Variants in GALNT14 observed in about 807,000 individuals in gnomAD.
The protein encoded by GALNT14 is polypeptide N-acetylgalactosaminyltransferase 14.
Under a neutral mutation model 77.5 loss-of-function variants are expected in GALNT14, and 60 were observed. That is an observed-to-expected ratio of 0.77 (90% CI 0.63 to 0.96). The LOEUF (loss-of-function observed/expected upper bound fraction) is 0.96. Among genes scored for constraint, GALNT14 ranks in the 40% least tolerant of loss-of-function variants. The pLI is 0.00. For missense variants in GALNT14, 710 were observed against 731.0 expected (o/e 0.97, Z 0.33); for synonymous variants, 280 against 281.7 (o/e 0.99, Z 0.06).
chr2:31,014,305 G>T lies in GALNT14; in HGVS notation c.130-21298C>A, dbSNP rs146892497. On this transcript the variant is annotated intron_variant, in intron 1 of 14. Transcript: ENST00000349752. Reference sequence around the variant, plus strand: ...GGCAAGGGGGTACCCATCAGCTCTGGATCTGGATAGCTAGTGAGGCTCTGG... The same window carrying T: ...GGCAAGGGGGTACCCATCAGCTCTGTATCTGGATAGCTAGTGAGGCTCTGG... Among the ~76,000 whole-genome samples, 1,242 of 152,296 alleles carry T rather than the reference G, an allele frequency of 8.2e-3. 11 individuals carry two copies. The highest frequency in any genetic ancestry group is 0.028 in the African/African-American group (1,177 of 41,568).
intron 13 of GALNT14, among the ~76,000 whole-genome samples, chr2:30,917,540 AG>A (rs543470131): frequency 1.3e-4 from 20 of 152,152 alleles, no homozygotes; most frequent in Non-Finnish European, 1.8e-4. Context: ...TCTCTCCAGG[AG>A]GGGTGACACC....
At chr2:30,896,132 A>C in the GALNT14 span, among the ~76,000 whole-genome samples, 1,049 of 152,306 alleles carry the variant, frequency 6.9e-3, 10 homozygotes, top group Middle Eastern at 0.031. Context: ...TAAACATAGC[A>C]TTGGCATGTA....
chr2:31,047,095 G>A (rs1049928889), intron 1 of GALNT14, among the ~76,000 whole-genome samples: 2 of 152,162 alleles, frequency 1.3e-5, no homozygotes, highest in Non-Finnish European at 2.9e-5. Flanking sequence ...GAACCCTGAA[G>A]AACACAGGTT....
chr2:31,114,656 G>C (rs1008134741), intron 1 of GALNT14: 22 of 661,510 alleles, frequency 3.3e-5, no homozygotes, highest in Admixed American at 1.0e-4. Context: ...TAAAAACCCA[G>C]CTTGTGAATA....
intron 1 of GALNT14, among the ~76,000 whole-genome samples, chr2:31,092,992 A>G (rs1244810963): frequency 6.6e-6 from 1 of 152,204 alleles, no homozygotes; most frequent in Non-Finnish European, 1.5e-5. Context: ...ATGTTTGTAC[A>G]ATATGATTCT....
intron 1 of GALNT14, among the ~76,000 whole-genome samples, chr2:31,057,272 T>C (rs13394512): frequency 0.44 from 63,993 of 145,756 alleles, 15,036 homozygotes; most frequent in African/African-American, 0.6. Context: ...ACATGTGCCC[T>C]ATGAATCTAA....
At chr2:31,021,662 T>C (rs1040913813) in intron 1 of GALNT14, among the ~76,000 whole-genome samples, 2 of 152,216 alleles carry the variant, frequency 1.3e-5, no homozygotes, top group South Asian at 2.1e-4. Flanking sequence ...TTTGCTTGCA[T>C]GCTCTCTATG....
rs11314175 is a variant in GALNT14 at position 30,977,092 on chromosome 2, C to CTTTTTTTTTTTTTTTTTT, written c.300-10791_300-10790insAAAAAAAAAAAAAAAAAA. Among the ~76,000 whole-genome samples, 60 of 135,102 alleles carry CTTTTTTTTTTTTTTTTTT rather than the reference C, an allele frequency of 4.4e-4. 4 individuals are homozygous for CTTTTTTTTTTTTTTTTTT. The highest frequency in any genetic ancestry group is 1.7e-3 in the African/African-American group (55 of 32,602). The allele number at this position is 135,102 out of a possible 152,430, so 88.6% of individuals were successfully genotyped here. A position where few individuals can be genotyped will look rare whatever the true frequency, so the allele number is the denominator to read the frequency against. On this transcript the variant is annotated intron_variant, in intron 2 of 14. Coordinates refer to ENST00000349752, the MANE Select transcript of GALNT14 (RefSeq NM_024572.4). ...CTTTATTCCATATTGGCTTTTCTGTCTTTTTTTTTTTTTTTGAGACAGGGT... is the reference window on the plus strand; with the variant it reads ...CTTTATTCCATATTGGCTTTTCTGTCTTTTTTTTTTTTTTTTTTTTTTTTTTTTTTTTTGAGACAGGGT...
chr2:31,041,781 A>C (rs1412874866), intron 1 of GALNT14, among the ~76,000 whole-genome samples: 4 of 152,232 alleles, frequency 2.6e-5, no homozygotes, highest in Non-Finnish European at 5.9e-5. Flanking sequence ...AAAAAAGTTA[A>C]GAAGCCCATT....
chr2:30,974,378 T>C (rs1477605045), intron 2 of GALNT14, among the ~76,000 whole-genome samples: 1 of 152,252 alleles, frequency 6.6e-6, no homozygotes, highest in East Asian at 1.9e-4. Flanking sequence ...GCTAGAATGA[T>C]CTTTCCAGAA....
chr2:30,988,376 G>A (rs989139656), intron 2 of GALNT14, among the ~76,000 whole-genome samples: 1 of 152,158 alleles, frequency 6.6e-6, no homozygotes, highest in South Asian at 2.1e-4. Context: ...GGCCAATGGC[G>A]ATGGGGCCAG....
intron 1 of GALNT14, among the ~76,000 whole-genome samples, chr2:31,091,684 G>A (rs1178896396): frequency 6.6e-6 from 1 of 152,222 alleles, no homozygotes; most frequent in Non-Finnish European, 1.5e-5. Flanking sequence ...TGTGTGGTGA[G>A]GGTTTGCTCT....
intron 1 of GALNT14, among the ~76,000 whole-genome samples, chr2:31,092,314 CCTGA>C (rs983288546): frequency 6.6e-5 from 10 of 150,968 alleles, no homozygotes; most frequent in Admixed American, 5.3e-4. Flanking sequence ...TTTAGAGAAC[CCTGA>C]CTAATACAGA....
At chr2:31,051,794 C>T (rs1196607840) in intron 1 of GALNT14, among the ~76,000 whole-genome samples, 4 of 152,160 alleles carry the variant, frequency 2.6e-5, no homozygotes, top group Non-Finnish European at 5.9e-5. Context: ...CCACCGCTTC[C>T]TTGCTCAATC....
At chr2:31,089,330 G>A (rs1358910241) in intron 1 of GALNT14, among the ~76,000 whole-genome samples, 1 of 152,122 alleles carries the variant, frequency 6.6e-6, no homozygotes, top group Non-Finnish European at 1.5e-5. Flanking sequence ...GTCCCCCACA[G>A]TACCAATGAC....
chr2:31,111,961 C>T (rs1035951487), intron 1 of GALNT14, among the ~76,000 whole-genome samples: 5 of 149,856 alleles, frequency 3.3e-5, no homozygotes, highest in Non-Finnish European at 7.4e-5. Context: ...AGTGATGGGG[C>T]TGGATGCCTT....
intron 1 of GALNT14, among the ~76,000 whole-genome samples, chr2:31,051,344 T>C (rs1475707993): frequency 6.6e-6 from 1 of 152,152 alleles, no homozygotes; most frequent in Non-Finnish European, 1.5e-5. Context: ...TTAGTAGACT[T>C]TGAGCCAAGC....
intron 1 of GALNT14, among the ~76,000 whole-genome samples, chr2:31,065,803 G>A (rs923603915): frequency 1.3e-5 from 2 of 152,198 alleles, no homozygotes; most frequent in Non-Finnish European, 2.9e-5. Context: ...TGTCTGAGGA[G>A]AATGAAGAGC....
chr2:31,072,618 A>G (rs1393823017), intron 1 of GALNT14, among the ~76,000 whole-genome samples: 1 of 152,116 alleles, frequency 6.6e-6, no homozygotes, highest in African/African-American at 2.4e-5. Flanking sequence ...AGGACAACTA[A>G]GTCCAATTCC....
Sources: gnomAD v4.1 joint callset for allele counts (sites outside exome capture counted in the v4.1 genomes callset) on GRCh38, gnomAD v4.1.1 for gene constraint, MANE v1.5 for transcripts, NCBI Gene and HGNC (gene_info 2026-07-23, HGNC 2026-07-21) for gene names.